MC1R: variants seen among roughly 807,000 people sequenced by gnomAD.
MC1R encodes the protein melanocortin 1 receptor, also known as melanocyte-stimulating hormone receptor.
For synonymous variants in MC1R, 263 were observed against 203.8 expected (o/e 1.29, Z -2.47); for missense variants, 542 against 430.0 (o/e 1.26, Z -2.30).
Position 89,920,114 on chromosome 16 carries a change from C to G in MC1R, c.856C>G (p.Leu286Val), listed in dbSNP as rs925012763. Residue 286 changes from leucine to valine, a missense_variant, in exon 1 of 1, where the codon CTC (leucine) becomes GTC (valine). Transcript: ENST00000555147. ...IFKNFNLFLALIICNAIIDPL... is the reference protein window; with the variant it reads ...IFKNFNLFLAVIICNAIIDPL... Reference sequence around the variant, plus strand: ...CAAGAACTTCAACCTCTTTCTCGCCCTCATCATCTGCAATGCCATCATCGA... The same window carrying G: ...CAAGAACTTCAACCTCTTTCTCGCCGTCATCATCTGCAATGCCATCATCGA... The G allele has an allele frequency of 6.2e-7, 1 of 1,614,020 alleles. No homozygotes were observed. Among genetic ancestry groups the G allele is most frequent in the Non-Finnish European group, 8.5e-7 (1 of 1,179,900 alleles).
In MC1R at chr16:89,918,921, C is replaced by T. The variant is rs540650422; in HGVS notation, c.-338C>T. 5.2e-4 allele frequency: 176 copies of T among 341,416 alleles called. 1 individual carries two copies. Among genetic ancestry groups the T allele is most frequent in the Admixed American group, 7.0e-4 (16 of 22,962 alleles). The allele number at this position is 341,416 out of a possible 1,614,324, so 21.1% of individuals were successfully genotyped here. On this transcript the variant is annotated 5_prime_UTR_variant, in exon 1 of 1. In the 5' UTR this introduces an upstream ATG that the reference lacks. Transcript: ENST00000555147. ...GGAAGGCAGGAGACAGAGGCCAGGA[C>T]GGTCCAGAGGTGTCGAAATGTCCTG...
chr16:89,920,234 G>C lies in MC1R; in HGVS notation c.*22G>C. On this transcript the variant is annotated 3_prime_UTR_variant, in exon 1 of 1. Transcript: ENST00000555147. ...GTGAGCGCGGTGCACGCGGCTTTAA[G>C]TGTGCTGGGCAGAGGGAGGTGGTGA... 1 of 1,590,700 alleles carries C rather than the reference G, an allele frequency of 6.3e-7. No homozygotes were observed. The highest frequency in any genetic ancestry group is 8.6e-7 in the Non-Finnish European group (1 of 1,159,756).
In MC1R at chr16:89,919,193, T is replaced by C; in HGVS notation, c.-66T>C. ...AGCACCATGAACTAAGCAGGACACC[T>C]GGAGGGGAAGAACTGTGGGGACCTG... On this transcript the variant is annotated 5_prime_UTR_variant, in exon 1 of 1. Transcript: ENST00000555147. 1 of 1,160,822 alleles carries C rather than the reference T, an allele frequency of 8.6e-7. No individual in the cohort carries two copies. The highest frequency in any genetic ancestry group is 1.6e-5 in the African/African-American group (1 of 64,470). 71.9% of individuals were successfully genotyped at this position (1,160,822 alleles called of 1,614,324 possible).
chr16:89,920,464 GCCTCAGGCTCCGGGCACCAGGGGCCAA>G lies in MC1R; in HGVS notation c.*264_*290del. 4.9e-6 allele frequency: 3 copies of G among 617,486 alleles called. No individual in the cohort carries two copies. Among genetic ancestry groups the G allele is most frequent in the South Asian group, 4.0e-5 (2 of 50,024 alleles). The allele number at this position is 617,486 out of a possible 1,614,324, so 38.3% of individuals were successfully genotyped here. On this transcript the variant is annotated 3_prime_UTR_variant, in exon 1 of 1. Coordinates refer to ENST00000555147, the MANE Select transcript of MC1R (RefSeq NM_002386.4). ...GAGGAGGACATGGGGAGGTTGTGGGGCCTCAGGCTCCGGGCACCAGGGGCCAACCTCAGGCTCCTAAAGAGACATTTT... is the reference window on the plus strand; with the variant it reads ...GAGGAGGACATGGGGAGGTTGTGGGGCCTCAGGCTCCTAAAGAGACATTTT...
rs1470553976 is a variant in MC1R, at chr16:89,920,429, G to A, written c.*217G>A. On this transcript the variant is annotated 3_prime_UTR_variant, in exon 1 of 1. Transcript: ENST00000555147. ...CAGGCAGGACTTCTCACCAGCAGTCGTGGGGAACGGAGGAGGACATGGGGA... is the reference window on the plus strand; with the variant it reads ...CAGGCAGGACTTCTCACCAGCAGTCATGGGGAACGGAGGAGGACATGGGGA... 2.9e-5 allele frequency: 18 copies of A among 620,606 alleles called. No individual in the cohort carries two copies. The East Asian group carries it at 3.0e-4, about 10-fold the overall frequency. 38.4% of individuals were successfully genotyped at this position (620,606 alleles called of 1,614,324 possible).
rs765813858 is a variant in MC1R, at chr16:89,920,209, G to T, written c.951G>T (p.Trp317Cys). ...TCAAGGAGGTGCTGACATGCTCCTG[G>T]TGAGCGCGGTGCACGCGGCTTTAAG... The part of the protein sequence containing the change: ...RTLKEVLTCS[W>C] Residue 317 changes from tryptophan (W) to cysteine (C), a missense_variant, in exon 1 of 1, where the codon TGG becomes TGT. Coordinates refer to ENST00000555147, the MANE Select transcript of MC1R (RefSeq NM_002386.4). 14 of 1,612,148 alleles carry T rather than the reference G, an allele frequency of 8.7e-6. No homozygotes were observed. Among genetic ancestry groups the T allele is most frequent in the Admixed American group, 1.7e-5 (1 of 59,992 alleles).
In MC1R at chr16:89,919,523, G is replaced by C. The variant is rs34540312; in HGVS notation, c.265G>C (p.Gly89Arg). The change falls in exon 1 of 1, where the codon GGG becomes CGG. Residue 89 changes from glycine (G) to arginine (R), a missense_variant. By Grantham distance (125) the Gly-to-Arg change is moderately radical (BLOSUM62 -2). Coordinates refer to ENST00000555147, the MANE Select transcript of MC1R (RefSeq NM_002386.4). Reference sequence around the variant, plus strand: ...GGCCTTGTCGGACCTGCTGGTGAGCGGGAGCAACGTGCTGGAGACGGCCGT... The same window carrying C: ...GGCCTTGTCGGACCTGCTGGTGAGCCGGAGCAACGTGCTGGAGACGGCCGT... The part of the protein sequence containing the change: ...CLALSDLLVS[G>R]SNVLETAVIL... 7.7e-5 allele frequency: 125 copies of C among 1,612,924 alleles called. 1 individual carries two copies. Among genetic ancestry groups the C allele is most frequent in the Non-Finnish European group, 9.7e-5 (114 of 1,179,734 alleles).
chr16:89,920,393 C>G lies in MC1R; in HGVS notation c.*181C>G, dbSNP rs1174738125. On this transcript the variant is annotated 3_prime_UTR_variant, in exon 1 of 1. Transcript: ENST00000555147. ...CCCTTCTGGGTCCAGGGAGGGGTCC[C>G]TGCAAAACTCCAGGCAGGACTTCTC... 1 of 632,040 alleles carries G rather than the reference C, an allele frequency of 1.6e-6. No individual in the cohort carries two copies. The highest frequency in any genetic ancestry group is 2.0e-5 in the South Asian group (1 of 50,116). 39.2% of individuals were successfully genotyped at this position (632,040 alleles called of 1,614,324 possible). A position where few individuals can be genotyped will look rare whatever the true frequency, so the allele number is the denominator to read the frequency against.
rs1162935099 is a variant in MC1R at position 89,919,055 on chromosome 16, TG to T, written c.-202del. Reference sequence around the variant, plus strand: ...GGTAGATGCCAGGAGGTGTCTGGACTGGCTGGGCCATGCCTGGGCTGACCTG... The same window carrying T: ...GGTAGATGCCAGGAGGTGTCTGGACTGCTGGGCCATGCCTGGGCTGACCTG... On this transcript the variant is annotated 5_prime_UTR_variant, in exon 1 of 1. An upstream open reading frame in the 5' UTR gains an earlier in-frame stop. Transcript: ENST00000555147. 1.4e-5 allele frequency: 8 copies of T among 576,886 alleles called. No individual in the cohort carries two copies. Among genetic ancestry groups the T allele is most frequent in the Non-Finnish European group, 2.5e-5 (8 of 324,646 alleles). The allele number at this position is 576,886 out of a possible 1,614,324, so 35.7% of individuals were successfully genotyped here.
rs903642958 is a variant in MC1R, at chr16:89,920,014, C to A, written c.756C>A (p.Leu252=). 6.2e-7 allele frequency: 1 copy of A among 1,613,684 alleles called. No individual in the cohort carries two copies. The highest frequency in any genetic ancestry group is 1.3e-5 in the African/African-American group (1 of 75,068). The part of the protein sequence containing the change: ...TLTILLGIFF[L]CWGPFFLHLT... Reference sequence around the variant, plus strand: ...CCATCCTGCTGGGCATTTTCTTCCTCTGCTGGGGCCCCTTCTTCCTGCATC... The same window carrying A: ...CCATCCTGCTGGGCATTTTCTTCCTATGCTGGGGCCCCTTCTTCCTGCATC... The change falls in exon 1 of 1, where the codon CTC becomes CTA. Residue 252 remains leucine, a synonymous_variant. Coordinates refer to ENST00000555147, the MANE Select transcript of MC1R (RefSeq NM_002386.4).
Position 89,919,360 on chromosome 16 carries a change from G to C in MC1R, c.102G>C (p.Arg34=), listed in dbSNP as rs758135673. ...TGGCTGCCAACCAGACAGGAGCCCG[G>C]TGCCTGGAGGTGTCCATCTCTGACG... The part of the protein sequence containing the change: ...LGLAANQTGA[R]CLEVSISDGL... The change falls in exon 1 of 1, where the codon CGG becomes CGC. Residue 34 remains arginine, a synonymous_variant. Transcript: ENST00000555147. 189 of 1,613,050 alleles carry C rather than the reference G, an allele frequency of 1.2e-4. 2 individuals carry two copies. The highest frequency in any genetic ancestry group is 8.4e-5 in the Non-Finnish European group (99 of 1,179,832).
Position 89,920,704 on chromosome 16 carries a change from A to G in MC1R, c.*492A>G, listed in dbSNP as rs907384634. 4 of 717,080 alleles carry G rather than the reference A, an allele frequency of 5.6e-6. No homozygotes were observed. Among genetic ancestry groups the G allele is most frequent in the African/African-American group, 1.7e-5 (1 of 57,362 alleles). 44.4% of individuals were successfully genotyped at this position (717,080 alleles called of 1,614,324 possible). On this transcript the variant is annotated 3_prime_UTR_variant, in exon 1 of 1. Coordinates refer to ENST00000555147, the MANE Select transcript of MC1R (RefSeq NM_002386.4). ...AGGGGCTTTGTGACCAGAAAGCTTC[A>G]TCCACAGCCTTGCAGCGGCTCCTGC...
At position 89,919,510 on chromosome 16, in the gene MC1R, C is replaced by G. The variant is rs1805006; in HGVS notation, c.252C>G (p.Asp84Glu). The G allele has an allele frequency of 6.2e-7, 1 of 1,613,160 alleles. No homozygotes were observed. The highest frequency in any genetic ancestry group is 1.7e-5 in the Admixed American group (1 of 60,026). The part of the protein sequence containing the change: ...YCFICCLALS[D>E]LLVSGSNVLE... ...TCATCTGCTGCCTGGCCTTGTCGGA[C>G]CTGCTGGTGAGCGGGAGCAACGTGC... The change falls in exon 1 of 1, where the codon GAC becomes GAG. Residue 84 changes from aspartate (D) to glutamate (E), a missense_variant. Physicochemically the swap from Asp to Glu is conservative, Grantham distance 45. Coordinates refer to ENST00000555147, the MANE Select transcript of MC1R (RefSeq NM_002386.4).
chr16:89,919,333 G>T lies in MC1R; in HGVS notation c.75G>T (p.Gly25=), dbSNP rs371618933. ...NSTPTAIPQL[G]LAANQTGARC... is the part of the protein sequence containing the mutation. ...CCCCCACAGCCATCCCCCAGCTGGGGCTGGCTGCCAACCAGACAGGAGCCC... is the reference window on the plus strand; with the variant it reads ...CCCCCACAGCCATCCCCCAGCTGGGTCTGGCTGCCAACCAGACAGGAGCCC... The change falls in exon 1 of 1, where the codon GGG becomes GGT. Residue 25 remains glycine, a synonymous_variant. Coordinates refer to ENST00000555147, the MANE Select transcript of MC1R (RefSeq NM_002386.4). 3.1e-6 allele frequency: 5 copies of T among 1,612,498 alleles called. No individual in the cohort carries two copies. Among genetic ancestry groups the T allele is most frequent in the Non-Finnish European group, 4.2e-6 (5 of 1,179,620 alleles).
In MC1R at chr16:89,920,600, C is replaced by G. The variant is rs775781914; in HGVS notation, c.*388C>G. 5.8e-6 allele frequency: 4 copies of G among 693,786 alleles called. No homozygotes were observed. The highest frequency in any genetic ancestry group is 4.7e-5 in the South Asian group (3 of 64,044). The allele number at this position is 693,786 out of a possible 1,614,324, so 43.0% of individuals were successfully genotyped here. The stretch of plus-strand genomic sequence containing the variant: ...CATCTTTGCTGCCAGCTCTCAGGAC[C>G]GTGCCCTCGTCAGCTGGGATGTGAA... On this transcript the variant is annotated 3_prime_UTR_variant, in exon 1 of 1. Coordinates refer to ENST00000555147, the MANE Select transcript of MC1R (RefSeq NM_002386.4).
rs1310895998 is a variant in MC1R, at chr16:89,919,986, T to A, written c.728T>A (p.Leu243His). ...TTTGGCCTTAAAGGCGCTGTCACCC[T>A]CACCATCCTGCTGGGCATTTTCTTC... ...QGFGLKGAVT[L>H]TILLGIFFLC... The change falls in exon 1 of 1, where the codon CTC becomes CAC. Residue 243 changes from leucine (L) to histidine (H), a missense_variant. Physicochemically the swap from Leu to His is moderately conservative, Grantham distance 99. Transcript: ENST00000555147. 6 of 1,613,332 alleles carry A rather than the reference T, an allele frequency of 3.7e-6. No individual in the cohort carries two copies. Among genetic ancestry groups the A allele is most frequent in the East Asian group, 2.2e-5 (1 of 44,882 alleles).
At position 89,920,847 on chromosome 16, in the gene MC1R, C is replaced by T; in HGVS notation, c.*635C>T. On this transcript the variant is annotated 3_prime_UTR_variant, in exon 1 of 1. Coordinates refer to ENST00000555147, the MANE Select transcript of MC1R (RefSeq NM_002386.4). Reference sequence around the variant, plus strand: ...CTAAGGCTCAGACTGGGCACTGGGGCCTCAGCCTGCTTTCCTGCAGCAGTC... The same window carrying T: ...CTAAGGCTCAGACTGGGCACTGGGGTCTCAGCCTGCTTTCCTGCAGCAGTC... The T allele has an allele frequency of 1.7e-6, 1 of 600,544 alleles. No homozygotes were observed. The highest frequency in any genetic ancestry group is 3.0e-6 in the Non-Finnish European group (1 of 330,240). 37.2% of individuals were successfully genotyped at this position (600,544 alleles called of 1,614,324 possible). A position where few individuals can be genotyped will look rare whatever the true frequency, so the allele number is the denominator to read the frequency against.
Position 89,920,304 on chromosome 16 carries a change from C to T in MC1R, c.*92C>T. On this transcript the variant is annotated 3_prime_UTR_variant, in exon 1 of 1. Transcript: ENST00000555147. ...TGTGTGACCCTGGGCAGTTCCTTAC[C>T]TCCCTGGTCCCCGTTTGTCAAAGAG... 1 of 1,036,904 alleles carries T rather than the reference C, an allele frequency of 9.6e-7. No individual in the cohort carries two copies. Among genetic ancestry groups the T allele is most frequent in the South Asian group, 1.5e-5 (1 of 67,956 alleles). The allele number at this position is 1,036,904 out of a possible 1,614,324, so 64.2% of individuals were successfully genotyped here. A position where few individuals can be genotyped will look rare whatever the true frequency, so the allele number is the denominator to read the frequency against.
At position 89,919,659 on chromosome 16, in the gene MC1R, T is replaced by C. The variant is rs564161331; in HGVS notation, c.401T>C (p.Phe134Ser). The part of the protein sequence containing the change: ...TCSSMLSSLC[F>S]LGAIAVDRYI... Reference sequence around the variant, plus strand: ...AGCTCCATGCTGTCCAGCCTCTGCTTCCTGGGCGCCATCGCCGTGGACCGC... The same window carrying C: ...AGCTCCATGCTGTCCAGCCTCTGCTCCCTGGGCGCCATCGCCGTGGACCGC... The change falls in exon 1 of 1, where the codon TTC becomes TCC. Residue 134 changes from phenylalanine (F) to serine (S), a missense_variant. Coordinates refer to ENST00000555147, the MANE Select transcript of MC1R (RefSeq NM_002386.4). 309 of 1,606,618 alleles carry C rather than the reference T, an allele frequency of 1.9e-4. 4 individuals carry two copies. The South Asian group carries it at 3.3e-3, about 17-fold the overall frequency.
Sources: allele counts gnomAD v4.1 joint callset, GRCh38; gene constraint gnomAD v4.1.1; transcripts MANE v1.5; gene names NCBI Gene and HGNC (gene_info 2026-07-23, HGNC 2026-07-21).